The following LGR5 variants were observed in gnomAD, a reference collection of about 807,000 sequenced individuals.
LGR5 encodes leucine-rich repeat-containing G protein-coupled receptor 5.
LGR5 carries 54 observed loss-of-function variants against 76.7 expected under a neutral mutation model. The ratio of observed to expected loss-of-function variants is 0.70; its 90% CI spans 0.57 to 0.88. LGR5 has a LOEUF of 0.88. Among genes scored for constraint, LGR5 ranks in the 40% least tolerant of loss-of-function variants. The pLI is 0.00. For synonymous variants in LGR5, 406 were observed against 421.9 expected, an observed-to-expected ratio of 0.96 and a Z score of 0.46; for missense variants, 1,078 against 1,073.3, an observed-to-expected ratio of 1.00 and a Z score of -0.06.
At chr12:71,512,985 T>C (rs752583605) in intron 2 of LGR5, among the ~76,000 whole-genome samples, 40 of 152,202 alleles carry the variant, frequency 2.6e-4, no homozygotes, top group Non-Finnish European at 5.0e-4. Flanking sequence ...TGTTTCCCAG[T>C]GTAGTTTTTC....
At chr12:71,496,272 G>T (rs1299149073) in intron 1 of LGR5, among the ~76,000 whole-genome samples, 2 of 151,098 alleles carry the variant, frequency 1.3e-5, no homozygotes, top group Admixed American at 1.3e-4. Flanking sequence ...TCGGGAGGCT[G>T]AGGCAGAAGA....
Position 71,440,092 on chromosome 12 carries a change from C to T in LGR5, c.12C>T (p.Ser4=). Residue 4 remains serine (S), a synonymous_variant, in exon 1 of 18, where the codon TCC becomes TCT. Coordinates refer to ENST00000266674, the MANE Select transcript of LGR5 (RefSeq NM_003667.4). The surrounding 1 kb of genome is among the most constrained non-coding windows in gnomAD (Gnocchi z 5.3). MDT[S]RLGVLLSLPV... ...CTACTTCGGGCACCATGGACACCTC[C>T]CGGCTCGGTGTGCTCCTGTCCTTGC... The T allele has an allele frequency of 6.2e-7, 1 of 1,603,470 alleles. No individual in the cohort carries two copies. The highest frequency in any genetic ancestry group is 8.5e-7 in the Non-Finnish European group (1 of 1,179,872).
intron 1 of LGR5, among the ~76,000 whole-genome samples, chr12:71,472,911 G>A (rs1317430554): frequency 6.6e-6 from 1 of 152,122 alleles, no homozygotes; most frequent in Non-Finnish European, 1.5e-5. Flanking sequence ...TGATCAAAAA[G>A]GACAATGCAA....
chr12:71,550,007 A>G (rs924282976), intron 4 of LGR5, among the ~76,000 whole-genome samples: 1 of 152,222 alleles, frequency 6.6e-6, no homozygotes, highest in African/African-American at 2.4e-5. Flanking sequence ...AACGTTGGGA[A>G]CTGATACCTG....
chr12:71,510,551 C>A (rs181056507), intron 2 of LGR5, among the ~76,000 whole-genome samples: 79 of 152,192 alleles, frequency 5.2e-4, no homozygotes, highest in African/African-American at 1.7e-3. Flanking sequence ...ATTTATGAAG[C>A]CACTAAGAAC....
intron 1 of LGR5, among the ~76,000 whole-genome samples, chr12:71,482,810 AT>A (rs1257000780): frequency 6.6e-6 from 1 of 152,186 alleles, no homozygotes; most frequent in African/African-American, 2.4e-5. Context: ...GTAGTTTGAT[AT>A]TTTTTATGCA....
intron 2 of LGR5, among the ~76,000 whole-genome samples, chr12:71,509,265 A>C (rs1875024233): frequency 6.6e-6 from 1 of 152,316 alleles, no homozygotes; most frequent in East Asian, 1.9e-4. Flanking sequence ...AAGGATGATG[A>C]AAGAACGTTG....
intron 11 of LGR5, among the ~76,000 whole-genome samples, chr12:71,569,058 G>A (rs1878479917): frequency 6.6e-6 from 1 of 152,192 alleles, no homozygotes; most frequent in Admixed American, 6.5e-5. Flanking sequence ...TTGGCAATGG[G>A]CAAAGGATTC....
chr12:71,570,253 T>C (rs1878544139), intron 11 of LGR5, among the ~76,000 whole-genome samples: 1 of 152,172 alleles, frequency 6.6e-6, no homozygotes. Flanking sequence ...TAGACCACCA[T>C]GGCACACGTT....
At chr12:71,571,004 T>C (rs1878586666) in intron 11 of LGR5, among the ~76,000 whole-genome samples, 1 of 152,240 alleles carries the variant, frequency 6.6e-6, no homozygotes, top group South Asian at 2.1e-4. Context: ...TTTGTTATTC[T>C]GTAATTTGTT....
intron 10 of LGR5, 69 bp from the exon 11 acceptor site, chr12:71,566,772 C>G: frequency 6.4e-7 from 1 of 1,570,882 alleles, no homozygotes; most frequent in Non-Finnish European, 8.8e-7. Flanking sequence ...GTCTTAACAT[C>G]AGTGAGTCAA....
intron 2 of LGR5, among the ~76,000 whole-genome samples, chr12:71,521,330 T>C (rs1875719460): frequency 6.6e-6 from 1 of 152,164 alleles, no homozygotes; most frequent in Non-Finnish European, 1.5e-5. Flanking sequence ...CCATCCTGAT[T>C]CGATTATTCA....
chr12:71,566,263 A>G, intron 8 of LGR5, 141 bp from the exon 9 acceptor site: 1 of 627,680 alleles, frequency 1.6e-6, no homozygotes. Flanking sequence ...CTTGCCTGAA[A>G]CCAAGGAATT....
intron 1 of LGR5, among the ~76,000 whole-genome samples, chr12:71,480,031 C>T (rs1873518465): frequency 6.6e-6 from 1 of 151,956 alleles, no homozygotes; most frequent in Non-Finnish European, 1.5e-5. Flanking sequence ...ATCTATAGAG[C>T]GGGCAGGAGT....
intron 3 of LGR5, among the ~76,000 whole-genome samples, chr12:71,534,868 A>C (rs1876504843): frequency 6.6e-6 from 1 of 152,186 alleles, no homozygotes; most frequent in African/African-American, 2.4e-5. Flanking sequence ...TCACCCCCTG[A>C]TACCATCTAT....
At chr12:71,544,124 A>G (rs963991990) in intron 4 of LGR5, among the ~76,000 whole-genome samples, 3 of 152,118 alleles carry the variant, frequency 2.0e-5, no homozygotes, top group Non-Finnish European at 2.9e-5. Context: ...GACGCCAGAG[A>G]GACAGAGGTT....
chr12:71,535,078 T>C (rs1206098398), intron 3 of LGR5, 37 bp from the exon 4 acceptor site: 10 of 1,478,246 alleles, frequency 6.8e-6, no homozygotes, highest in Non-Finnish European at 9.4e-6. Flanking sequence ...ATTGTTCATT[T>C]TTTTTAACAT....
chr12:71,492,434 C>T (rs1434432897), intron 1 of LGR5, among the ~76,000 whole-genome samples: 1 of 152,172 alleles, frequency 6.6e-6, no homozygotes, highest in Non-Finnish European at 1.5e-5. Flanking sequence ...ACCCCCACCA[C>T]AGAAATATTT....
intron 5 of LGR5, 87 bp from the exon 6 acceptor site, chr12:71,556,532 A>C: frequency 1.1e-6 from 1 of 889,760 alleles, no homozygotes; most frequent in Non-Finnish European, 1.9e-6. Context: ...ATTCTTCAGT[A>C]TATGTTTCTT....
Sources: allele counts gnomAD v4.1 joint callset (sites outside exome capture counted in the v4.1 genomes callset), GRCh38; gene constraint gnomAD v4.1.1; non-coding constraint Gnocchi (gnomAD v3.1); transcripts MANE v1.5; gene names NCBI Gene and HGNC (gene_info 2026-07-23, HGNC 2026-07-21).